The following PCDHGA10 variants were observed in gnomAD, a reference collection of about 807,000 sequenced individuals.
PCDHGA10 encodes the protein protocadherin gamma-A10.
In PCDHGA10, 42 loss-of-function variants were observed where a neutral mutation model predicts 59.5. The observed-to-expected ratio is 0.71, with a 90% confidence interval of 0.55 to 0.91. The LOEUF (loss-of-function observed/expected upper bound fraction) is 0.91. PCDHGA10 is among the 40% of genes least tolerant of loss of function. PCDHGA10 has a pLI of 0.00. For synonymous variants in PCDHGA10, 511 were observed against 517.2 expected (o/e 0.99, Z 0.16); for missense variants, 1,111 against 1,198.2 (o/e 0.93, Z 1.07).
At chr5:141,418,726 G>C (rs1399333996) in intron 1 of PCDHGA10, 1 of 1,613,986 alleles carries the variant, frequency 6.2e-7, no homozygotes, top group Non-Finnish European at 8.5e-7. Flanking sequence ...ACAAAGCTCA[G>C]CACGTGTTCT....
At position 141,489,985 on chromosome 5, in the gene PCDHGA10, G is replaced by A. The variant is rs761481986; in HGVS notation, c.2437-4822G>A. ...AACCTTCCAATCCTCAGTTCTACGT[G>A]TGGGAATCCCAGAGAATGCACCCAT... On this transcript the variant is annotated intron_variant, in intron 1 of 3. Transcript: ENST00000398610. The surrounding 1 kb of genome is among the most constrained non-coding windows in gnomAD (Gnocchi z 4.5). The A allele has an allele frequency of 1.2e-6, 2 of 1,614,094 alleles. No homozygotes were observed. Among genetic ancestry groups the A allele is most frequent in the African/African-American group, 2.7e-5 (2 of 74,946 alleles).
chr5:141,477,571 C>T lies in PCDHGA10; in HGVS notation c.2437-17236C>T, dbSNP rs1470454976. The T allele has an allele frequency of 8.1e-6, 13 of 1,614,160 alleles. No individual in the cohort carries two copies. Among genetic ancestry groups the T allele is most frequent in the Middle Eastern group, 1.7e-4 (1 of 6,060 alleles). ...TAAACCTAAGTGTCTGGGACCCCGACGCCCCGCAGAATGCTCGGCTTTCTT... is the reference window on the plus strand; with the variant it reads ...TAAACCTAAGTGTCTGGGACCCCGATGCCCCGCAGAATGCTCGGCTTTCTT... On this transcript the variant is annotated intron_variant, in intron 1 of 3. Transcript: ENST00000398610. This position sits in a 1 kb window ranked among gnomAD's most constrained non-coding sequence, Gnocchi z 4.9.
Position 141,432,581 on chromosome 5 carries a change from C to T in PCDHGA10, c.2436+16970C>T. 6.2e-7 allele frequency: 1 copy of T among 1,613,930 alleles called. No homozygotes were observed. The highest frequency in any genetic ancestry group is 8.5e-7 in the Non-Finnish European group (1 of 1,179,974). On this transcript the variant is annotated intron_variant, in intron 1 of 3. Coordinates refer to ENST00000398610, the MANE Select transcript of PCDHGA10 (RefSeq NM_018913.3). The surrounding 1 kb of genome is among the most constrained non-coding windows in gnomAD (Gnocchi z 6.0). ...CCAGAACGCCTGGCTGTCCTACCGT[C>T]TGCTCAAGGCCAGCGAGCCGGGACT...
chr5:141,439,065 C>T (rs571768018), intron 1 of PCDHGA10, among the ~76,000 whole-genome samples: 13 of 151,628 alleles, frequency 8.6e-5, no homozygotes, highest in East Asian at 7.9e-4. Flanking sequence ...GTGTGGCAGG[C>T]GCCTGTAATC....
At position 141,432,718 on chromosome 5, in the gene PCDHGA10, T is replaced by C; in HGVS notation, c.2436+17107T>C. ...CCGTCCAGGACCACGGCCAGCCCCC[T>C]CTCTCCGCCACTGTCACGCTCACCG... On this transcript the variant is annotated intron_variant, in intron 1 of 3. Coordinates refer to ENST00000398610, the MANE Select transcript of PCDHGA10 (RefSeq NM_018913.3). This position sits in a 1 kb window ranked among gnomAD's most constrained non-coding sequence, Gnocchi z 6.0. 1 of 1,613,476 alleles carries C rather than the reference T, an allele frequency of 6.2e-7. No homozygotes were observed. The highest frequency in any genetic ancestry group is 8.5e-7 in the Non-Finnish European group (1 of 1,179,862).
At position 141,431,374 on chromosome 5, in the gene PCDHGA10, G is replaced by T. The variant is rs1561851775; in HGVS notation, c.2436+15763G>T. On this transcript the variant is annotated intron_variant, in intron 1 of 3. Coordinates refer to ENST00000398610, the MANE Select transcript of PCDHGA10 (RefSeq NM_018913.3). The surrounding 1 kb of genome is among the most constrained non-coding windows in gnomAD (Gnocchi z 4.8). ...AACGCGCCCTGGACCGCGAAGAAAA[G>T]GCTGCTCACCACCTGGTCCTTACGG... 1.9e-6 allele frequency: 3 copies of T among 1,613,862 alleles called. No individual in the cohort carries two copies. Among genetic ancestry groups the T allele is most frequent in the Non-Finnish European group, 2.5e-6 (3 of 1,180,044 alleles).
chr5:141,427,914 A>G (rs757621783), intron 1 of PCDHGA10: 123 of 1,576,802 alleles, frequency 7.8e-5, no homozygotes, highest in Non-Finnish European at 7.6e-5. Context: ...CAGCGCCAAC[A>G]TGAGCCGGCG....
Position 141,414,754 on chromosome 5 carries a change from G to A in PCDHGA10, c.1579G>A (p.Glu527Lys). 6.2e-7 allele frequency: 1 copy of A among 1,614,190 alleles called. No individual in the cohort carries two copies. Among genetic ancestry groups the A allele is most frequent in the Non-Finnish European group, 8.5e-7 (1 of 1,180,038 alleles). Residue 527 changes from glutamate to lysine, a missense_variant, in exon 1 of 4, where the codon GAG becomes AAG. Glu to Lys is a moderately conservative substitution (Grantham distance 56). Coordinates refer to ENST00000398610, the MANE Select transcript of PCDHGA10 (RefSeq NM_018913.3). ...VLYALRSFDY[E>K]QFHELQMQVT... ...GTATGCACTCAGATCCTTCGACTAT[G>A]AGCAGTTTCATGAGCTACAGATGCA...
chr5:141,478,901 A>T (rs2099483520), intron 1 of PCDHGA10: 2 of 1,002,034 alleles, frequency 2.0e-6, no homozygotes, highest in African/African-American at 3.3e-5. Flanking sequence ...ATTAGGAATA[A>T]GCTGCTGGAT....
chr5:141,430,276 G>C (rs2097271928), intron 1 of PCDHGA10, among the ~76,000 whole-genome samples: 1 of 151,720 alleles, frequency 6.6e-6, no homozygotes, highest in South Asian at 2.1e-4. Context: ...TGTGTTGGGG[G>C]AACAGTAATC....
chr5:141,466,203 C>G (rs1291051063), intron 1 of PCDHGA10, among the ~76,000 whole-genome samples: 1 of 151,914 alleles, frequency 6.6e-6, no homozygotes, highest in Non-Finnish European at 1.5e-5. Context: ...CACAGCCTTG[C>G]TCTGTTACCC....
chr5:141,476,157 G>A lies in PCDHGA10; in HGVS notation c.2437-18650G>A. On this transcript the variant is annotated intron_variant, in intron 1 of 3. Transcript: ENST00000398610. The surrounding 1 kb of genome is among the most constrained non-coding windows in gnomAD (Gnocchi z 7.6). ...TGGAGGAGCGGACTGGTAAGCACCG[G>A]GAGGGTAGTGGGAGTTTTGCTTCTG... 1 of 1,612,752 alleles carries A rather than the reference G, an allele frequency of 6.2e-7. No homozygotes were observed. Among genetic ancestry groups the A allele is most frequent in the Non-Finnish European group, 8.5e-7 (1 of 1,179,898 alleles).
At chr5:141,499,021 GAAGGAAGA>G (rs1193940810) in intron 2 of PCDHGA10, among the ~76,000 whole-genome samples, 2 of 140,162 alleles carry the variant, frequency 1.4e-5, no homozygotes, top group East Asian at 2.1e-4. Flanking sequence ...AGGAAGGAAG[GAAGGAAGA>G]AAAGAAAGAA....
At position 141,491,692 on chromosome 5, in the gene PCDHGA10, C is replaced by T. The variant is rs749349869; in HGVS notation, c.2437-3115C>T. On this transcript the variant is annotated intron_variant, in intron 1 of 3. Coordinates refer to ENST00000398610, the MANE Select transcript of PCDHGA10 (RefSeq NM_018913.3). This position sits in a 1 kb window ranked among gnomAD's most constrained non-coding sequence, Gnocchi z 6.9. ...GTCCCGCTCTAATACGCTGCGGGAG[C>T]GGAGCCAGGTGAGGGGCTCGGCGCC... is the stretch of plus-strand genomic sequence containing the variant. 1 of 1,612,594 alleles carries T rather than the reference C, an allele frequency of 6.2e-7. No homozygotes were observed. The highest frequency in any genetic ancestry group is 8.5e-7 in the Non-Finnish European group (1 of 1,179,340).
chr5:141,457,127 C>G (rs2098910262), intron 1 of PCDHGA10, among the ~76,000 whole-genome samples: 1 of 152,200 alleles, frequency 6.6e-6, no homozygotes, highest in Admixed American at 6.5e-5. Flanking sequence ...AATGGAAACT[C>G]TGTCCAATAT....
At chr5:141,422,640 C>T in intron 1 of PCDHGA10, 1 of 1,612,590 alleles carries the variant, frequency 6.2e-7, no homozygotes, top group South Asian at 1.1e-5. Flanking sequence ...GGGGTGCCTC[C>T]ATCTTCTCAG....
chr5:141,435,334 T>A (rs1223377462), intron 1 of PCDHGA10, among the ~76,000 whole-genome samples: 1 of 152,196 alleles, frequency 6.6e-6, no homozygotes, highest in African/African-American at 2.4e-5. Flanking sequence ...ATATAGTGAA[T>A]TTATTTCTTC....
At chr5:141,417,982 G>A (rs756382601) in intron 1 of PCDHGA10, 4 of 1,613,886 alleles carry the variant, frequency 2.5e-6, no homozygotes, top group Admixed American at 3.3e-5. Flanking sequence ...CGGAGGAGCT[G>A]GCCAAGGGCT....
rs781550738 is a variant in PCDHGA10 at position 141,487,383 on chromosome 5, C to A, written c.2437-7424C>A. On this transcript the variant is annotated intron_variant, in intron 1 of 3. Transcript: ENST00000398610. This position sits in a 1 kb window ranked among gnomAD's most constrained non-coding sequence, Gnocchi z 5.0. Reference sequence around the variant, plus strand: ...GGCACCTGTGCCTGTCTCACCAGATCTCGAAGGAGGGAGGGGCTTCCCCCT... The same window carrying A: ...GGCACCTGTGCCTGTCTCACCAGATATCGAAGGAGGGAGGGGCTTCCCCCT... The A allele has an allele frequency of 3.7e-6, 6 of 1,614,196 alleles. No individual in the cohort carries two copies. The South Asian group carries it at 6.6e-5, about 18-fold the overall frequency.
Sources: allele counts gnomAD v4.1 joint callset (sites outside exome capture counted in the v4.1 genomes callset), GRCh38; gene constraint gnomAD v4.1.1; non-coding constraint Gnocchi (gnomAD v3.1); transcripts MANE v1.5; gene names NCBI Gene and HGNC (gene_info 2026-07-23, HGNC 2026-07-21).